The following SYNE2 variants were observed in gnomAD, a reference collection of about 807,000 sequenced individuals.
The protein encoded by SYNE2 is spectrin repeat containing nuclear envelope protein 2.
Under a neutral mutation model 856.3 loss-of-function variants are expected in SYNE2, and 431 were observed. The observed-to-expected ratio is 0.50, with a 90% CI of 0.47 to 0.55. The LOEUF is 0.55. SYNE2 is among the 20% of genes least tolerant of loss of function. SYNE2 has a pLI of 0.00. For missense variants in SYNE2, 8,129 were observed against 8,023.2 expected (o/e 1.01, Z -0.50); for synonymous variants, 2,923 against 2,872.3 (o/e 1.02, Z -0.56).
At chr14:63,816,561 G>C (rs1889002974) in intron 1 of SYNE2, among the ~76,000 whole-genome samples, 1 of 151,916 alleles carries the variant, frequency 6.6e-6, no homozygotes, top group Non-Finnish European at 1.5e-5. Flanking sequence ...ATAAAATCTA[G>C]GAAGAATTTT....
At chr14:64,106,970 A>C (rs943423338) in intron 64 of SYNE2, among the ~76,000 whole-genome samples, 1 of 152,188 alleles carries the variant, frequency 6.6e-6, no homozygotes, top group Non-Finnish European at 1.5e-5. Flanking sequence ...AAATGGAATA[A>C]ATTCACCTTT....
intron 38 of SYNE2, chr14:64,023,915 G>A (rs563922139): frequency 1.1e-4 from 33 of 292,476 alleles, no homozygotes; most frequent in African/African-American, 6.7e-4. Flanking sequence ...ACCTTGAAAC[G>A]TAAACATTGA....
At position 63,941,882 on chromosome 14, in the gene SYNE2, C is replaced by T; in HGVS notation, c.238-3C>T. On this transcript the variant is annotated splice_region_variant and splice_polypyrimidine_tract_variant and intron_variant, in intron 4 of 115. Coordinates refer to ENST00000555002, the MANE Select transcript of SYNE2 (RefSeq NM_182914.3). ...GAGTAATATATTTGCTTGAATTTCACAGCCTCGGGATAAAGGATCTAATAC... is the reference window on the plus strand; with the variant it reads ...GAGTAATATATTTGCTTGAATTTCATAGCCTCGGGATAAAGGATCTAATAC... 6.2e-7 allele frequency: 1 copy of T among 1,613,306 alleles called. No homozygotes were observed.
intron 68 of SYNE2, among the ~76,000 whole-genome samples, chr14:64,121,459 G>A (rs1473620321): frequency 6.6e-6 from 1 of 152,184 alleles, no homozygotes; most frequent in Non-Finnish European, 1.5e-5. Flanking sequence ...GGAGGCAGAG[G>A]TTGCAGCGAG....
chr14:64,119,911 G>C (rs367945573), intron 67 of SYNE2, among the ~76,000 whole-genome samples: 11 of 152,186 alleles, frequency 7.2e-5, no homozygotes, highest in African/African-American at 2.4e-4. Context: ...GTAAAAGAAG[G>C]ATGTATTATA....
intron 1 of SYNE2, among the ~76,000 whole-genome samples, chr14:63,779,781 C>T (rs914054804): frequency 6.6e-5 from 10 of 151,312 alleles, no homozygotes; most frequent in African/African-American, 2.2e-4. Flanking sequence ...CGTGGTGCCA[C>T]GTGCCTGTAA....
chr14:64,080,057 G>GTA (rs961759504), intron 55 of SYNE2, among the ~76,000 whole-genome samples: 7 of 152,032 alleles, frequency 4.6e-5, no homozygotes, highest in Non-Finnish European at 5.9e-5. Context: ...GTGTGTGTGT[G>GTA]TGTGTGTGCG....
At chr14:64,096,718 T>G (rs2097680604) in intron 61 of SYNE2, among the ~76,000 whole-genome samples, 1 of 152,238 alleles carries the variant, frequency 6.6e-6, no homozygotes, top group South Asian at 2.1e-4. Flanking sequence ...AGGCCTGTGC[T>G]CTGCTGTGTG....
chr14:63,874,875 C>A (rs911946429), intron 1 of SYNE2, among the ~76,000 whole-genome samples: 32 of 151,970 alleles, frequency 2.1e-4, no homozygotes, highest in Admixed American at 1.8e-3. Context: ...GATTTAATGA[C>A]ATAGAAAATA....
At chr14:64,171,487 G>A (rs541999137) in intron 94 of SYNE2, among the ~76,000 whole-genome samples, 1 of 152,310 alleles carries the variant, frequency 6.6e-6, no homozygotes, top group East Asian at 1.9e-4. Flanking sequence ...AACAGGGCCA[G>A]TAGAGATGGG....
chr14:63,904,777 A>T (rs112730426), intron 1 of SYNE2, among the ~76,000 whole-genome samples: 48 of 151,912 alleles, frequency 3.2e-4, no homozygotes, highest in African/African-American at 1.1e-3. Context: ...TACTTTGTTG[A>T]TAGTTTCTTT....
chr14:64,048,256 T>A, intron 46 of SYNE2, 101 bp downstream of exon 46: 1 of 1,164,202 alleles, frequency 8.6e-7, no homozygotes, highest in Non-Finnish European at 1.2e-6. Context: ...GAGTGAAAAG[T>A]CTTATTTAAC....
intron 32 of SYNE2, among the ~76,000 whole-genome samples, chr14:64,012,968 T>C (rs1167538415): frequency 2.0e-5 from 3 of 152,226 alleles, no homozygotes; most frequent in Non-Finnish European, 4.4e-5. Context: ...TGGATGTTTA[T>C]CTAGGATATG....
Position 63,995,117 on chromosome 14 carries a change from A to G in SYNE2, c.2855A>G (p.Asn952Ser), listed in dbSNP as rs967564161. 9 of 1,598,492 alleles carry G rather than the reference A, an allele frequency of 5.6e-6. No homozygotes were observed. The highest frequency in any genetic ancestry group is 5.4e-5 in the African/African-American group (4 of 74,280). ...IDIEKGKLSDNILKLEKQINK... is the reference protein window; with the variant it reads ...IDIEKGKLSDSILKLEKQINK... ...ATTGAAAAAGGAAAGCTTAGTGACA[A>G]TATTTTAAAACTTGAAAAGCAAATA... Residue 952 changes from asparagine (N) to serine (S), a missense_variant, in exon 23 of 116, where the codon AAT (asparagine) becomes AGT (serine). This residue lies in a region of SYNE2 where 2,422 missense variants were observed against 2,357.4 expected (regional missense o/e 1.03). Transcript: ENST00000555002.
At chr14:63,907,445 A>G (rs1455944630) in intron 1 of SYNE2, among the ~76,000 whole-genome samples, 1 of 152,154 alleles carries the variant, frequency 6.6e-6, no homozygotes, top group African/African-American at 2.4e-5. Flanking sequence ...GGTGCATCTA[A>G]GCTTTGTCTT....
intron 74 of SYNE2, among the ~76,000 whole-genome samples, chr14:64,129,236 G>A (rs972017810): frequency 1.3e-5 from 2 of 152,198 alleles, no homozygotes; most frequent in Non-Finnish European, 2.9e-5. Flanking sequence ...GAGCTTGGGG[G>A]GCGGAGGTTG....
intron 31 of SYNE2, among the ~76,000 whole-genome samples, chr14:64,007,973 G>A (rs1208722784): frequency 3.3e-5 from 5 of 152,234 alleles, no homozygotes; most frequent in Non-Finnish European, 4.4e-5. Flanking sequence ...TAGCACCACC[G>A]TACTTCAGAG....
intron 88 of SYNE2, 106 bp from the exon 89 acceptor site, chr14:64,163,296 C>T (rs577447036): frequency 5.6e-4 from 723 of 1,297,986 alleles, no homozygotes; most frequent in Non-Finnish European, 7.5e-4. Flanking sequence ...ATCATGCCTA[C>T]GTTTTCAGGG....
rs922919982 is a variant in SYNE2 at position 63,981,237 on chromosome 14, A to G, written c.1836+64A>G. On this transcript the variant is annotated intron_variant, in intron 16 of 115. Transcript: ENST00000555002. ...TTAATTGTTTTATTTTGTGACCCTC[A>G]TTTTCAATCCAAAGATGAGAAAACA... The G allele has an allele frequency of 1.7e-5, 23 of 1,371,912 alleles. No homozygotes were observed. The Middle Eastern group carries it at 1.1e-3, about 65-fold the overall frequency. The allele number at this position is 1,371,912 out of a possible 1,614,324, so 85.0% of individuals were successfully genotyped here. A position where few individuals can be genotyped will look rare whatever the true frequency, so the allele number is the denominator to read the frequency against.
Sources: gnomAD v4.1 joint callset for allele counts (sites outside exome capture counted in the v4.1 genomes callset) on GRCh38, gnomAD v4.1.1 for gene constraint, gnomAD v4.1.1 regional missense constraint, MANE v1.5 for transcripts, NCBI Gene and HGNC (gene_info 2026-07-23, HGNC 2026-07-21) for gene names.